CSMD1: variants seen among roughly 807,000 people sequenced by gnomAD.
CSMD1 encodes CUB and sushi domain-containing protein 1.
Under a neutral mutation model 417.5 loss-of-function variants are expected in CSMD1, and 213 were observed. That is an observed-to-expected ratio of 0.51 (90% CI 0.46 to 0.57). The LOEUF is 0.57. CSMD1 is among the 20% of genes least tolerant of loss of function. The pLI, the probability that CSMD1 is intolerant of heterozygous loss-of-function variation, is 0.00. For missense variants in CSMD1, 6,923 were observed against 4,529.7 expected, an observed-to-expected ratio of 1.53 and a Z score of -15.17; for synonymous variants, 2,862 against 1,736.8, an observed-to-expected ratio of 1.65 and a Z score of -16.11.
intron 1 of CSMD1, among the ~76,000 whole-genome samples, chr8:4,713,409 G>GTT (rs1477261065): frequency 6.6e-6 from 1 of 150,636 alleles, no homozygotes; most frequent in Non-Finnish European, 1.5e-5. Flanking sequence ...GTTTTGTTTT[G>GTT]TTTTGTTTTT....
intron 7 of CSMD1, among the ~76,000 whole-genome samples, chr8:3,670,386 G>C (rs939852056): frequency 2.0e-5 from 3 of 151,432 alleles, no homozygotes; most frequent in African/African-American, 7.3e-5. Context: ...TTTGCAGATG[G>C]CCTATTGTCG....
intron 3 of CSMD1, among the ~76,000 whole-genome samples, chr8:4,124,019 C>G (rs1193472117): frequency 1.3e-5 from 2 of 150,592 alleles, no homozygotes; most frequent in African/African-American, 2.4e-5. Context: ...GATTATCTAA[C>G]TTTTTTTTTT....
At chr8:4,846,835 C>A (rs182857236) in intron 1 of CSMD1, among the ~76,000 whole-genome samples, 1 of 151,990 alleles carries the variant, frequency 6.6e-6, no homozygotes, top group Admixed American at 6.6e-5. Flanking sequence ...CATATATATG[C>A]GTATATTTAT....
chr8:3,489,887 G>A (rs1818271936), intron 11 of CSMD1, among the ~76,000 whole-genome samples: 1 of 152,168 alleles, frequency 6.6e-6, no homozygotes, highest in Non-Finnish European at 1.5e-5. Context: ...ATGCCAGTCT[G>A]CCATGAAGAG....
intron 1 of CSMD1, among the ~76,000 whole-genome samples, chr8:4,657,713 A>G (rs555897981): frequency 1.3e-5 from 2 of 150,816 alleles, no homozygotes; most frequent in African/African-American, 4.9e-5. Context: ...CCCACTCACA[A>G]AAGAAATGAA....
At chr8:4,268,476 A>C (rs1804362527) in intron 3 of CSMD1, among the ~76,000 whole-genome samples, 1 of 152,188 alleles carries the variant, frequency 6.6e-6, no homozygotes, top group African/African-American at 2.4e-5. Context: ...ATCGCTGCTT[A>C]CGTTTCTAAG....
intron 1 of CSMD1, among the ~76,000 whole-genome samples, chr8:4,689,400 CTA>C (rs1806609197): frequency 6.6e-6 from 1 of 151,956 alleles, no homozygotes; most frequent in African/African-American, 2.4e-5. Context: ...CTAAAATTGT[CTA>C]TATGTTTCAT....
intron 5 of CSMD1, among the ~76,000 whole-genome samples, chr8:3,916,923 T>C (rs1026663705): frequency 6.6e-6 from 1 of 151,920 alleles, no homozygotes; most frequent in Admixed American, 6.6e-5. Flanking sequence ...AAAATAACAA[T>C]AATAATCTGC....
In CSMD1 at chr8:3,214,080, G is replaced by A. The variant is rs1024205542; in HGVS notation, c.4867+417C>T. ...AGGCTGGTCTCGAACTCCTAACCTCGCGATCCACTCGCCTCAGCCTCTTGA... is the reference window on the plus strand; with the variant it reads ...AGGCTGGTCTCGAACTCCTAACCTCACGATCCACTCGCCTCAGCCTCTTGA... On this transcript the variant is annotated intron_variant, in intron 30 of 69. Transcript: ENST00000635120. Among the ~76,000 whole-genome samples, 9 of 151,794 alleles carry A rather than the reference G, an allele frequency of 5.9e-5. No individual in the cohort carries two copies. In the East Asian group the frequency reaches 1.7e-3, roughly 29 times the overall value.
intron 4 of CSMD1, among the ~76,000 whole-genome samples, chr8:4,017,518 C>T (rs1796580679): frequency 6.6e-6 from 1 of 152,086 alleles, no homozygotes; most frequent in African/African-American, 2.4e-5. Flanking sequence ...GTTGGTCAGG[C>T]TGGTCTCGAA....
intron 26 of CSMD1, among the ~76,000 whole-genome samples, chr8:3,241,887 T>G: frequency 6.6e-6 from 1 of 151,882 alleles, no homozygotes; most frequent in Non-Finnish European, 1.5e-5. Flanking sequence ...GTTGTGGGGT[T>G]TGAGGGCTGG....
intron 1 of CSMD1, among the ~76,000 whole-genome samples, chr8:4,690,976 C>T (rs986959605): frequency 1.3e-5 from 2 of 152,154 alleles, no homozygotes; most frequent in Non-Finnish European, 2.9e-5. Context: ...ATCTGCCTGC[C>T]GTGGCCTCCC....
At chr8:3,889,389 T>G (rs1806787644) in intron 5 of CSMD1, among the ~76,000 whole-genome samples, 1 of 146,268 alleles carries the variant, frequency 6.8e-6, no homozygotes, top group African/African-American at 2.5e-5. Flanking sequence ...TTTAATATTT[T>G]TTACTAACAT....
chr8:4,920,403 G>A (rs1806358515), intron 1 of CSMD1, among the ~76,000 whole-genome samples: 2 of 152,290 alleles, frequency 1.3e-5, no homozygotes, highest in African/African-American at 2.4e-5. Flanking sequence ...TAAATCTAGG[G>A]AATTCACTCA....
intron 1 of CSMD1, among the ~76,000 whole-genome samples, chr8:4,687,898 G>T (rs1806495373): frequency 6.6e-6 from 1 of 151,912 alleles, no homozygotes; most frequent in South Asian, 2.1e-4. Flanking sequence ...AGCCAATCTG[G>T]ATAACGACAT....
chr8:3,111,318 G>C (rs889931462), intron 42 of CSMD1, among the ~76,000 whole-genome samples: 11 of 152,140 alleles, frequency 7.2e-5, no homozygotes, highest in Admixed American at 2.0e-4. Flanking sequence ...AAGAACATTG[G>C]ATTGAACCTG....
In CSMD1 at chr8:3,828,664, A is replaced by G. The variant is rs549483166; in HGVS notation, c.819-74622T>C. Among the ~76,000 whole-genome samples the G allele has an allele frequency of 1.3e-3, 199 of 152,204 alleles. 1 individual carries two copies. Among genetic ancestry groups the G allele is most frequent in the Non-Finnish European group, 2.3e-3 (154 of 68,016 alleles). On this transcript the variant is annotated intron_variant, in intron 5 of 69. Transcript: ENST00000635120. ...ACCTATTTTAATCCAAGCCATCGTC[A>G]TCTTTCTACGGACCTCTTTTCAGGT...
intron 2 of CSMD1, among the ~76,000 whole-genome samples, chr8:4,584,720 C>A (rs569150950): frequency 1.3e-5 from 2 of 152,282 alleles, no homozygotes; most frequent in African/African-American, 2.4e-5. Flanking sequence ...CCTATCTATC[C>A]TGACCCTTGC....
At chr8:4,115,922 G>C (rs1272257452) in intron 3 of CSMD1, among the ~76,000 whole-genome samples, 3 of 151,796 alleles carry the variant, frequency 2.0e-5, no homozygotes, top group East Asian at 3.9e-4. Context: ...CAGTGACTGG[G>C]GGCAGGGAGA....
Sources: gnomAD v4.1 joint callset for allele counts (sites outside exome capture counted in the v4.1 genomes callset) on GRCh38, gnomAD v4.1.1 for gene constraint, MANE v1.5 for transcripts, NCBI Gene and HGNC (gene_info 2026-07-23, HGNC 2026-07-21) for gene names.